Variants in XXYLT1 observed in about 807,000 individuals in gnomAD.
The protein encoded by XXYLT1 is xyloside xylosyltransferase 1, also known as UDP-xylose:alpha-xyloside alpha-1,3-xylosyltransferase.
In XXYLT1, 20 loss-of-function variants were observed where a neutral mutation model predicts 28.9. That is an observed-to-expected ratio of 0.69 (90% CI 0.49 to 1.00). The LOEUF (loss-of-function observed/expected upper bound fraction) is 1.00, where lower values mean the gene tolerates loss of function less well. Among genes scored for constraint, XXYLT1 ranks in the 50% least tolerant of loss-of-function variants. The probability of loss-of-function intolerance (pLI) is 0.00; values close to 1 mark genes in which losing one functional copy is unlikely to be tolerated. For synonymous variants in XXYLT1, 257 were observed against 253.8 expected, an observed-to-expected ratio of 1.01 and a Z score of -0.12; for missense variants, 542 against 560.1, an observed-to-expected ratio of 0.97 and a Z score of 0.33.
At chr3:195,178,279 G>A (rs985006780) in intron 2 of XXYLT1, among the ~76,000 whole-genome samples, 3 of 151,986 alleles carry the variant, frequency 2.0e-5, no homozygotes, top group Non-Finnish European at 2.9e-5. Context: ...CTGCCCACAC[G>A]GAACCCTCGC....
chr3:195,210,487 G>A lies in XXYLT1; in HGVS notation c.652+16222C>T, dbSNP rs139310971. ...CAAGAAGTAATAAGAGCCAGCTGAT[G>A]CCTTTGACCGATAGCCAAGAATTTA... On this transcript the variant is annotated intron_variant, in intron 2 of 3. Coordinates refer to ENST00000310380, the MANE Select transcript of XXYLT1 (RefSeq NM_152531.5). This position sits in a 1 kb window ranked among gnomAD's most constrained non-coding sequence, Gnocchi z 4.8. 6.4e-3 allele frequency among the ~76,000 whole-genome samples: 974 copies of A among 152,326 alleles called. 7 individuals carry two copies. Among genetic ancestry groups the A allele is most frequent in the African/African-American group, 0.022 (922 of 41,568 alleles).
intron 1 of XXYLT1, among the ~76,000 whole-genome samples, chr3:195,268,159 G>A (rs535536353): frequency 6.6e-6 from 1 of 152,258 alleles, no homozygotes; most frequent in East Asian, 1.9e-4. Flanking sequence ...GCCAGGCGCG[G>A]TGGTTCACGC....
At chr3:195,074,558 T>C (rs2720949) in intron 3 of XXYLT1, among the ~76,000 whole-genome samples, 64,957 of 152,052 alleles carry the variant, frequency 0.43, 15,860 homozygotes, top group East Asian at 0.91. Flanking sequence ...TCAGCAGCTG[T>C]CCAGCACTTC....
chr3:195,231,265 C>T (rs1248756383), intron 1 of XXYLT1, among the ~76,000 whole-genome samples: 1 of 151,856 alleles, frequency 6.6e-6, no homozygotes, highest in Non-Finnish European at 1.5e-5. Context: ...CTAATCAATA[C>T]ATTTTTTGTT....
rs76966580 is a variant in XXYLT1 at position 195,264,267 on chromosome 3, T to C, written c.504+6288A>G. ...AATAGATGAAGGTAGGTAAGGTCTC[T>C]GCCTTCTGGAGATTACCTTCCAGGA... On this transcript the variant is annotated intron_variant, in intron 1 of 3. Transcript: ENST00000310380. 0.013 allele frequency among the ~76,000 whole-genome samples: 1,988 copies of C among 152,376 alleles called. 104 individuals carry two copies. The East Asian group carries it at 0.18, about 13-fold the overall frequency.
intron 3 of XXYLT1, among the ~76,000 whole-genome samples, chr3:195,111,356 AGTG>A (rs1326423047): frequency 6.6e-6 from 1 of 152,044 alleles, no homozygotes; most frequent in Non-Finnish European, 1.5e-5. Context: ...ATTCTGAGGG[AGTG>A]GTGGTTAGGG....
At chr3:195,073,495 C>A (rs913184180) in intron 3 of XXYLT1, among the ~76,000 whole-genome samples, 2 of 152,168 alleles carry the variant, frequency 1.3e-5, no homozygotes, top group Non-Finnish European at 1.5e-5. Context: ...CCCCTCATGC[C>A]CACAACCCAG....
At chr3:195,246,690 C>T (rs576967648) in intron 1 of XXYLT1, among the ~76,000 whole-genome samples, 386 of 152,320 alleles carry the variant, frequency 2.5e-3, no homozygotes, top group African/African-American at 8.9e-3. Flanking sequence ...CGGGGGTGAG[C>T]AGGGGTCTGT....
intron 1 of XXYLT1, among the ~76,000 whole-genome samples, chr3:195,234,309 A>ATTTT (rs35536915): frequency 1.6e-4 from 11 of 66,890 alleles, no homozygotes; most frequent in Non-Finnish European, 2.7e-4. Context: ...TGTTTGAAGG[A>ATTTT]TTTTTTTTTT....
intron 2 of XXYLT1, among the ~76,000 whole-genome samples, chr3:195,206,489 C>A (rs1723075360): frequency 6.6e-6 from 1 of 151,812 alleles, no homozygotes; most frequent in Non-Finnish European, 1.5e-5. Context: ...TACTTTCCAG[C>A]CAGTTGCGGT....
chr3:195,153,394 G>A (rs1420574126), intron 3 of XXYLT1, among the ~76,000 whole-genome samples: 1 of 152,164 alleles, frequency 6.6e-6, no homozygotes, highest in Non-Finnish European at 1.5e-5. Flanking sequence ...AGGCAGTGCA[G>A]GGCTGTCATC....
intron 2 of XXYLT1, among the ~76,000 whole-genome samples, chr3:195,221,246 G>T (rs1319737003): frequency 6.6e-6 from 1 of 152,186 alleles, no homozygotes; most frequent in Non-Finnish European, 1.5e-5. Context: ...CCTCCAGGAA[G>T]GCTTCCTTCT....
chr3:195,214,471 T>C (rs1320598391), intron 2 of XXYLT1, among the ~76,000 whole-genome samples: 1 of 152,038 alleles, frequency 6.6e-6, no homozygotes, highest in Admixed American at 6.5e-5. Flanking sequence ...AGACCACTTC[T>C]TTCTGAAGCA....
intron 3 of XXYLT1, among the ~76,000 whole-genome samples, chr3:195,145,927 G>A (rs1003293801): frequency 1.1e-4 from 16 of 152,172 alleles, no homozygotes; most frequent in Non-Finnish European, 2.4e-4. Context: ...AGATCACAGG[G>A]GTTCTCTATG....
At chr3:195,128,545 A>G (rs1256612046) in intron 3 of XXYLT1, among the ~76,000 whole-genome samples, 1 of 151,938 alleles carries the variant, frequency 6.6e-6, no homozygotes, top group Admixed American at 6.6e-5. Context: ...TTGGACCAGC[A>G]CTCTTACCTG....
intron 2 of XXYLT1, among the ~76,000 whole-genome samples, chr3:195,161,137 G>A (rs1433767965): frequency 6.6e-6 from 1 of 152,210 alleles, no homozygotes; most frequent in African/African-American, 2.4e-5. Flanking sequence ...GGCTTTGCAT[G>A]CTGATTCAGC....
chr3:195,260,805 C>T (rs1725673718), intron 1 of XXYLT1, among the ~76,000 whole-genome samples: 1 of 152,242 alleles, frequency 6.6e-6, no homozygotes, highest in African/African-American at 2.4e-5. Flanking sequence ...ACGCCCAGAG[C>T]TTCCTTCCTG....
rs9818725 is a variant in XXYLT1 at position 195,145,483 on chromosome 3, T to C, written c.785+10966A>G. On this transcript the variant is annotated intron_variant, in intron 3 of 3. Transcript: ENST00000310380. ...GAGCATCTCTGTGAAGCCACATGAA[T>C]GGGCACCTCACTCCACGGTGACCGG... Among the ~76,000 whole-genome samples, 455 of 134,112 alleles carry C rather than the reference T, an allele frequency of 3.4e-3. 3 individuals are homozygous for C. The highest frequency in any genetic ancestry group is 0.012 in the African/African-American group (405 of 34,526). The allele number at this position is 134,112 out of a possible 152,430, so 88.0% of individuals were successfully genotyped here.
chr3:195,130,659 T>TCA (rs1461652462), intron 3 of XXYLT1, among the ~76,000 whole-genome samples: 1 of 152,004 alleles, frequency 6.6e-6, no homozygotes, highest in African/African-American at 2.4e-5. Flanking sequence ...TGCTAAGAAA[T>TCA]CAGCCTGAGC....
Sources: allele counts gnomAD v4.1 joint callset (sites outside exome capture counted in the v4.1 genomes callset), GRCh38; gene constraint gnomAD v4.1.1; non-coding constraint Gnocchi (gnomAD v3.1); transcripts MANE v1.5; gene names NCBI Gene and HGNC (gene_info 2026-07-23, HGNC 2026-07-21).